The following KLHL29 variants were observed in gnomAD, a reference collection of about 807,000 sequenced individuals.
The protein encoded by KLHL29 is kelch-like protein 29.
Under a neutral mutation model 80.4 loss-of-function variants are expected in KLHL29, and 21 were observed. The observed-to-expected ratio is 0.26, with a 90% CI of 0.19 to 0.38. KLHL29 has a LOEUF of 0.38. KLHL29 is among the 10% of genes least tolerant of loss of function. KLHL29 has a pLI of 1.00. For missense variants in KLHL29, 867 were observed against 1,223.9 expected (o/e 0.71, Z 4.35); for synonymous variants, 511 against 526.8 (o/e 0.97, Z 0.41).
chr2:23,562,505 G>C lies in KLHL29; in HGVS notation c.285+24G>C. ...AGGTAAGATGTGGTGTCATCTCTGA[G>C]CAGGAGCCGGACAGAGGGGCCCTGC... On this transcript the variant is annotated intron_variant, in intron 3 of 13. Coordinates refer to ENST00000486442, the MANE Select transcript of KLHL29 (RefSeq NM_052920.2). The surrounding 1 kb of genome is among the most constrained non-coding windows in gnomAD (Gnocchi z 4.5). 6.5e-7 allele frequency: 1 copy of C among 1,533,688 alleles called. No individual in the cohort carries two copies.
At chr2:23,603,459 A>G (rs1338180822) in intron 3 of KLHL29, among the ~76,000 whole-genome samples, 7 of 152,136 alleles carry the variant, frequency 4.6e-5, no homozygotes, top group Non-Finnish European at 7.4e-5. Context: ...TCTCGGGACA[A>G]AAATCCCAGA....
intron 1 of KLHL29, among the ~76,000 whole-genome samples, chr2:23,464,777 G>C (rs767591266): frequency 5.3e-5 from 8 of 152,154 alleles, no homozygotes; most frequent in Non-Finnish European, 8.8e-5. Context: ...AAAATGAAAA[G>C]TCTGAACATT....
At chr2:23,515,431 C>T (rs1665891402) in intron 2 of KLHL29, among the ~76,000 whole-genome samples, 1 of 152,240 alleles carries the variant, frequency 6.6e-6, no homozygotes, top group South Asian at 2.1e-4. Context: ...ACCTGGCTTC[C>T]CCTCTTCAGA....
rs367696673 is a variant in KLHL29, at chr2:23,684,432, C to T, written c.974C>T (p.Ala325Val). Residue 325 changes from alanine to valine, a missense_variant, in exon 6 of 14, where the codon GCG becomes GTG. Transcript: ENST00000486442. This position sits in a 1 kb window ranked among gnomAD's most constrained non-coding sequence, Gnocchi z 4.4. ...AAGGAATTGAACCAGCAACGCAGAG[C>T]GAAAGCGTTTACAGACCTGAAAATT... is the stretch of plus-strand genomic sequence containing the variant. ...MLKELNQQRRAKAFTDLKIVV... is the reference protein window; with the variant it reads ...MLKELNQQRRVKAFTDLKIVV... The T allele has an allele frequency of 1.1e-4, 165 of 1,549,248 alleles. No individual in the cohort carries two copies. The highest frequency in any genetic ancestry group is 1.4e-4 in the Non-Finnish European group (160 of 1,146,276).
chr2:23,479,383 C>T (rs1572346352), intron 2 of KLHL29, among the ~76,000 whole-genome samples: 1 of 150,774 alleles, frequency 6.6e-6, no homozygotes, highest in Non-Finnish European at 1.5e-5. Context: ...GGCTGCAGAC[C>T]CCCAGCCTGC....
chr2:23,585,420 T>C (rs975148317), intron 3 of KLHL29, among the ~76,000 whole-genome samples: 1 of 152,218 alleles, frequency 6.6e-6, no homozygotes, highest in Non-Finnish European at 1.5e-5. Flanking sequence ...CCTGGGTCAG[T>C]TCTGTGCCAC....
chr2:23,591,777 G>A (rs866086106), intron 3 of KLHL29, among the ~76,000 whole-genome samples: 1 of 152,210 alleles, frequency 6.6e-6, no homozygotes, highest in South Asian at 2.1e-4. Flanking sequence ...GATAGAACTC[G>A]CCTTCCTCGT....
At chr2:23,606,202 G>C (rs34873545) in intron 3 of KLHL29, among the ~76,000 whole-genome samples, 54,844 of 143,684 alleles carry the variant, frequency 0.38, 10,967 homozygotes, top group East Asian at 0.64. Context: ...GAGAGAGAGG[G>C]AGAGAGAGAG....
At chr2:23,631,194 C>T (rs974299131) in intron 3 of KLHL29, among the ~76,000 whole-genome samples, 2 of 152,148 alleles carry the variant, frequency 1.3e-5, no homozygotes, top group Non-Finnish European at 2.9e-5. Context: ...CTATTCAGCC[C>T]CTCCTACCAC....
At position 23,684,625 on chromosome 2, in the gene KLHL29, T is replaced by G. The variant is rs1252171330; in HGVS notation, c.1079+88T>G. ...TCTCTTCCCCTCTCTTGCAGGTTCCTGAAGCGTGACTCCCTGTCACAGAGC... is the reference window on the plus strand; with the variant it reads ...TCTCTTCCCCTCTCTTGCAGGTTCCGGAAGCGTGACTCCCTGTCACAGAGC... On this transcript the variant is annotated intron_variant, in intron 6 of 13. Coordinates refer to ENST00000486442, the MANE Select transcript of KLHL29 (RefSeq NM_052920.2). This position sits in a 1 kb window ranked among gnomAD's most constrained non-coding sequence, Gnocchi z 4.4. 4 of 1,240,438 alleles carry G rather than the reference T, an allele frequency of 3.2e-6. No individual in the cohort carries two copies. The highest frequency in any genetic ancestry group is 4.4e-6 in the Non-Finnish European group (4 of 914,964). 76.8% of individuals were successfully genotyped at this position (1,240,438 alleles called of 1,614,324 possible).
At chr2:23,492,598 G>T (rs1278726663) in intron 2 of KLHL29, among the ~76,000 whole-genome samples, 1 of 152,226 alleles carries the variant, frequency 6.6e-6, no homozygotes, top group African/African-American at 2.4e-5. Context: ...TTTGCAATGG[G>T]AAGTAAGGGA....
intron 2 of KLHL29, among the ~76,000 whole-genome samples, chr2:23,543,958 C>T (rs777566295): frequency 6.6e-5 from 10 of 152,170 alleles, no homozygotes; most frequent in Non-Finnish European, 1.5e-4. Context: ...GGCTCTGGGT[C>T]GGGGCTTGCT....
rs1666768797 is a variant in KLHL29, at chr2:23,539,431, C to CTTTTTTTTTTTTTTTT, written c.-45-22721_-45-22720insTTTTTTTTTTTTTTTT. Among the ~76,000 whole-genome samples, 6 of 107,216 alleles carry CTTTTTTTTTTTTTTTT rather than the reference C, an allele frequency of 5.6e-5. 3 individuals are homozygous for CTTTTTTTTTTTTTTTT. Among genetic ancestry groups the CTTTTTTTTTTTTTTTT allele is most frequent in the Non-Finnish European group, 7.5e-5 (4 of 53,526 alleles). The allele number at this position is 107,216 out of a possible 152,430, so 70.3% of individuals were successfully genotyped here. ...ATGCTTTGCTAGCCTTATCCTGCCT[C>CTTTTTTTTTTTTTTTT]CTTTTTTTTTTTTTTTTTTTTTTTT... On this transcript the variant is annotated intron_variant, in intron 2 of 13. Transcript: ENST00000486442.
intron 3 of KLHL29, among the ~76,000 whole-genome samples, chr2:23,587,124 A>G (rs1244292107): frequency 1.3e-5 from 2 of 152,152 alleles, no homozygotes; most frequent in Non-Finnish European, 2.9e-5. Flanking sequence ...GTTAAATTGC[A>G]GCAATTTTGC....
chr2:23,703,689 C>T (rs376299706), intron 12 of KLHL29, 30 bp from the exon 13 acceptor site: 45 of 1,516,778 alleles, frequency 3.0e-5, no homozygotes, highest in African/African-American at 6.9e-5. Context: ...GACAAGCTGC[C>T]GTGACCTGCC....
At chr2:23,517,906 A>G (rs1226207899) in intron 2 of KLHL29, among the ~76,000 whole-genome samples, 1 of 152,092 alleles carries the variant, frequency 6.6e-6, no homozygotes, top group Non-Finnish European at 1.5e-5. Context: ...ATGGAGAGTG[A>G]AGTAGGTATT....
chr2:23,533,875 C>T (rs59932899), intron 2 of KLHL29, among the ~76,000 whole-genome samples: 4 of 151,778 alleles, frequency 2.6e-5, no homozygotes, highest in African/African-American at 9.7e-5. Flanking sequence ...TCAGAAAAAA[C>T]AAATTTACTA....
intron 2 of KLHL29, chr2:23,532,501 T>C (rs1049362262): frequency 4.9e-5 from 22 of 450,130 alleles, no homozygotes; most frequent in African/African-American, 3.8e-4. Context: ...TAGTGGAGCT[T>C]TGTGGGATGT....
intron 1 of KLHL29, among the ~76,000 whole-genome samples, chr2:23,395,468 C>T (rs1017505411): frequency 3.3e-5 from 5 of 152,176 alleles, no homozygotes; most frequent in Admixed American, 6.5e-5. Context: ...GATTGCAGGC[C>T]AGGCATGGTG....
Sources: allele counts gnomAD v4.1 joint callset (sites outside exome capture counted in the v4.1 genomes callset), GRCh38; gene constraint gnomAD v4.1.1; non-coding constraint Gnocchi (gnomAD v3.1); transcripts MANE v1.5; gene names NCBI Gene and HGNC (gene_info 2026-07-23, HGNC 2026-07-21).